The following PCDH7 variants were observed in gnomAD, a reference collection of about 807,000 sequenced individuals.
PCDH7 encodes protocadherin-7.
Under a neutral mutation model 58.9 loss-of-function variants are expected in PCDH7, and 17 were observed. The ratio of observed to expected loss-of-function variants is 0.29; its 90% CI spans 0.20 to 0.43. The LOEUF (loss-of-function observed/expected upper bound fraction) is 0.43, where lower values mean the gene tolerates loss of function less well. Among genes scored for constraint, PCDH7 ranks in the 20% least tolerant of loss-of-function variants. PCDH7 has a pLI of 1.00. For missense variants in PCDH7, 1,274 were observed against 1,441.0 expected (o/e 0.88, Z 1.88); for synonymous variants, 664 against 616.4 (o/e 1.08, Z -1.14).
At chr4:31,146,276 A>G (rs918261599), downstream of PCDH7, 1 of 152,070 alleles carries the variant, frequency 6.6e-6, no homozygotes, top group Non-Finnish European at 1.5e-5. Flanking sequence ...AAAAACAGTC[A>G]TGAGAAATCT....
intron 1 of PCDH7, among the ~76,000 whole-genome samples, chr4:30,822,399 T>C (rs895760648): frequency 1.3e-5 from 2 of 152,100 alleles, no homozygotes; most frequent in African/African-American, 4.8e-5. Flanking sequence ...ATTGTTGTGT[T>C]GCATTAAACA....
At chr4:30,820,246 G>A (rs1198216872) in intron 1 of PCDH7, among the ~76,000 whole-genome samples, 1 of 152,152 alleles carries the variant, frequency 6.6e-6, no homozygotes, top group Non-Finnish European at 1.5e-5. Flanking sequence ...GTGAGAGAAA[G>A]TCCTTGTCTA....
rs953128616 is a variant in PCDH7, at chr4:31,136,122, G to A, written c.*8-6351G>A. Among the ~76,000 whole-genome samples the A allele has an allele frequency of 2.6e-5, 4 of 152,200 alleles. No homozygotes were observed. In the East Asian group the frequency reaches 7.7e-4, roughly 29 times the overall value. ...TGTGAATCTAGATCACCTGGCTACTGAGCCTGTTCTCTTAAACAATATCCT... is the reference window on the plus strand; with the variant it reads ...TGTGAATCTAGATCACCTGGCTACTAAGCCTGTTCTCTTAAACAATATCCT... On this transcript the variant is annotated intron_variant, in intron 3 of 3. Transcript: ENST00000509759.
chr4:30,940,116 C>T (rs571856082), intron 2 of PCDH7, among the ~76,000 whole-genome samples: 99 of 151,590 alleles, frequency 6.5e-4, no homozygotes, highest in Non-Finnish European at 1.1e-3. Flanking sequence ...AAAAAAAAAA[C>T]CTCAGGGTTA....
rs74720650 is a variant in PCDH7 at position 30,739,449 on chromosome 4, T to A, written c.70+14853T>A. On this transcript the variant is annotated intron_variant, in intron 1 of 3. Transcript: ENST00000509759. ...ATGGTATAAACAAATATATATTTTT[T>A]AAATTGCATCTAAATCTGTTTTTCA... Among the ~76,000 whole-genome samples, 6 of 152,098 alleles carry A rather than the reference T, an allele frequency of 3.9e-5. No homozygotes were observed. In the East Asian group the frequency reaches 7.7e-4, roughly 20 times the overall value.
intron 3 of PCDH7, among the ~76,000 whole-genome samples, chr4:31,069,867 TCTCCA>T (rs1758404407): frequency 1.1e-5 from 1 of 90,456 alleles, no homozygotes; most frequent in Non-Finnish European, 2.3e-5. Context: ...TCTCAAATTT[TCTCCA>T]CTTGATTCAT....
intron 2 of PCDH7, among the ~76,000 whole-genome samples, chr4:30,939,887 A>C (rs577973506): frequency 2.0e-5 from 3 of 152,208 alleles, no homozygotes; most frequent in African/African-American, 7.2e-5. Flanking sequence ...CCTCCCACAG[A>C]GGATAGCATT....
chr4:30,811,787 T>G (rs1175480819), intron 1 of PCDH7, among the ~76,000 whole-genome samples: 6 of 152,138 alleles, frequency 3.9e-5, no homozygotes, highest in Admixed American at 1.3e-4. Flanking sequence ...CTAGGGGCCA[T>G]GAAAGTCCTA....
chr4:30,978,508 G>T (rs1422814600), intron 3 of PCDH7, among the ~76,000 whole-genome samples: 1 of 151,956 alleles, frequency 6.6e-6, no homozygotes, highest in Non-Finnish European at 1.5e-5. Context: ...GCTGTGATTT[G>T]GTGAGAAAGT....
intron 2 of PCDH7, among the ~76,000 whole-genome samples, chr4:30,942,522 T>C (rs1746162025): frequency 6.6e-6 from 1 of 152,054 alleles, no homozygotes; most frequent in African/African-American, 2.4e-5. Flanking sequence ...CTAAATGTTC[T>C]ATCCCTCAAG....
intron 1 of PCDH7, among the ~76,000 whole-genome samples, chr4:30,803,261 G>T (rs1725758913): frequency 6.6e-6 from 1 of 152,172 alleles, no homozygotes. Flanking sequence ...GTATCTGTGA[G>T]TGTGATTGCC....
intron 1 of PCDH7, chr4:30,885,177 G>A (rs956718784): frequency 2.6e-5 from 4 of 152,092 alleles, no homozygotes; most frequent in Non-Finnish European, 5.9e-5. Context: ...GGACTCATGG[G>A]AGCACCCTTG....
intron 1 of PCDH7, among the ~76,000 whole-genome samples, chr4:30,749,755 G>A (rs1238833855): frequency 6.6e-6 from 1 of 152,048 alleles, no homozygotes; most frequent in Non-Finnish European, 1.5e-5. Flanking sequence ...CGGGCATTTA[G>A]GAAAATAGTA....
intron 1 of PCDH7, among the ~76,000 whole-genome samples, chr4:30,803,488 G>A (rs1725796587): frequency 6.6e-6 from 1 of 151,724 alleles, no homozygotes; most frequent in Non-Finnish European, 1.5e-5. Context: ...CCTAAGCAGG[G>A]GTGCAGTGGC....
intron 3 of PCDH7, among the ~76,000 whole-genome samples, chr4:31,112,943 C>A (rs1716505462): frequency 6.6e-6 from 1 of 152,084 alleles, no homozygotes; most frequent in African/African-American, 2.4e-5. Context: ...ATTCTGAACA[C>A]TACATGAATT....
intron 3 of PCDH7, among the ~76,000 whole-genome samples, chr4:31,008,886 A>G (rs1337415301): frequency 6.6e-6 from 1 of 151,854 alleles, no homozygotes; most frequent in Non-Finnish European, 1.5e-5. Context: ...TTTTTTTTCC[A>G]CTGTGTTCTC....
At chr4:30,776,653 A>G (rs958028175) in intron 1 of PCDH7, among the ~76,000 whole-genome samples, 1 of 152,164 alleles carries the variant, frequency 6.6e-6, no homozygotes, top group Non-Finnish European at 1.5e-5. Flanking sequence ...GAGAATTATC[A>G]TTGAAAAAAA....
chr4:30,850,405 T>A (rs1732571065), intron 1 of PCDH7, among the ~76,000 whole-genome samples: 1 of 152,120 alleles, frequency 6.6e-6, no homozygotes, highest in Non-Finnish European at 1.5e-5. Context: ...CATAGACTAT[T>A]TGTGCTAGAA....
exon 2 of PCDH7, chr4:30,730,877 G>A: frequency 6.8e-7 from 1 of 1,460,882 alleles, no homozygotes; most frequent in Non-Finnish European, 9.0e-7. Flanking sequence ...TTGGCCGTGG[G>A]GTGTCAGCCA....
Sources: gnomAD v4.1 joint callset for allele counts (sites outside exome capture counted in the v4.1 genomes callset) on GRCh38, gnomAD v4.1.1 for gene constraint, MANE v1.5 for transcripts, NCBI Gene and HGNC (gene_info 2026-07-23, HGNC 2026-07-21) for gene names.